The following PDE9A variants were observed in gnomAD, a reference collection of about 807,000 sequenced individuals.
PDE9A encodes phosphodiesterase 9A, also known as high affinity cGMP-specific 3',5'-cyclic phosphodiesterase 9A.
A neutral mutation model predicts 87.4 loss-of-function variants in PDE9A; 60 were observed. The observed-to-expected ratio is 0.69, with a 90% CI of 0.56 to 0.85. The LOEUF is 0.85. Ranked by LOEUF, PDE9A falls within the 40% of genes least tolerant of loss-of-function variation. The probability of loss-of-function intolerance (pLI) is 0.00; values close to 1 mark genes in which losing one functional copy is unlikely to be tolerated. For synonymous variants in PDE9A, 272 were observed against 279.4 expected, an observed-to-expected ratio of 0.97 and a Z score of 0.27; for missense variants, 665 against 779.0, an observed-to-expected ratio of 0.85 and a Z score of 1.74.
At chr21:42,688,074 A>T in intron 3 of PDE9A, 80 bp downstream of exon 3, 1 of 1,137,666 alleles carries the variant, frequency 8.8e-7, no homozygotes, top group Non-Finnish European at 1.3e-6. Flanking sequence ...TGATTTTGTA[A>T]ATGTGCTACT....
intron 1 of PDE9A, among the ~76,000 whole-genome samples, chr21:42,685,068 GAAAGA>G (rs2059375235): frequency 6.6e-6 from 1 of 152,206 alleles, no homozygotes; most frequent in Non-Finnish European, 1.5e-5. Flanking sequence ...ACTTGTGCTG[GAAAGA>G]AAAGCTGCGT....
chr21:42,762,265 C>T (rs1000338925), intron 14 of PDE9A, 26 bp downstream of exon 14: 48 of 1,607,976 alleles, frequency 3.0e-5, no homozygotes, highest in Admixed American at 1.7e-4. Flanking sequence ...GCCCTCCCAC[C>T]GGAGTGGGGG....
chr21:42,661,424 A>G (rs2057479381), intron 1 of PDE9A, among the ~76,000 whole-genome samples: 1 of 129,888 alleles, frequency 7.7e-6, no homozygotes, highest in South Asian at 2.4e-4. Flanking sequence ...CCCACTGTAC[A>G]TTCCGCTTTC....
In PDE9A at chr21:42,704,056, C is replaced by G. The variant is rs147991626; in HGVS notation, c.262+5045C>G. ...GGGCCCAGGCTCCCGCCAGCCCTCACGGCAGCACGAGGCTGGTACGAGACA... is the reference window on the plus strand; with the variant it reads ...GGGCCCAGGCTCCCGCCAGCCCTCAGGGCAGCACGAGGCTGGTACGAGACA... On this transcript the variant is annotated intron_variant, in intron 4 of 19. Transcript: ENST00000291539. This position sits in a 1 kb window ranked among gnomAD's most constrained non-coding sequence, Gnocchi z 5.3. Among the ~76,000 whole-genome samples the G allele has an allele frequency of 8.7e-3, 1,329 of 152,292 alleles. 11 individuals are homozygous for G. The highest frequency in any genetic ancestry group is 0.031 in the African/African-American group (1,271 of 41,550).
chr21:42,654,734 C>T (rs2056921376), intron 1 of PDE9A, among the ~76,000 whole-genome samples: 1 of 152,200 alleles, frequency 6.6e-6, no homozygotes, highest in Non-Finnish European at 1.5e-5. Context: ...GCCGGCCAGG[C>T]TTGAGTCTTT....
chr21:42,703,449 G>A (rs935246338), intron 4 of PDE9A, among the ~76,000 whole-genome samples: 8 of 152,252 alleles, frequency 5.3e-5, no homozygotes, highest in African/African-American at 1.9e-4. Flanking sequence ...AAGCCCTGGA[G>A]GCAGGAAGAG....
intron 19 of PDE9A, among the ~76,000 whole-genome samples, chr21:42,774,385 A>T (rs2057331592): frequency 6.6e-6 from 1 of 152,194 alleles, no homozygotes; most frequent in African/African-American, 2.4e-5. Flanking sequence ...TCTAAGCCAG[A>T]GGCAATAATA....
chr21:42,731,495 A>G (rs943239400), intron 4 of PDE9A, among the ~76,000 whole-genome samples: 1 of 152,182 alleles, frequency 6.6e-6, no homozygotes, highest in Non-Finnish European at 1.5e-5. Flanking sequence ...GAGCCTGGTC[A>G]GGAAACAGGA....
chr21:42,658,766 C>G (rs2057279674), intron 1 of PDE9A, among the ~76,000 whole-genome samples: 1 of 152,226 alleles, frequency 6.6e-6, no homozygotes, highest in Non-Finnish European at 1.5e-5. Flanking sequence ...CTGCCTGTTA[C>G]ATGTTTGTAA....
At chr21:42,712,179 C>T (rs2049408822) in intron 4 of PDE9A, among the ~76,000 whole-genome samples, 1 of 152,116 alleles carries the variant, frequency 6.6e-6, no homozygotes, top group Non-Finnish European at 1.5e-5. Flanking sequence ...TGATACATCC[C>T]TCCACTTATT....
intron 2 of PDE9A, 56 bp from the exon 3 acceptor site, chr21:42,687,861 G>C: frequency 7.0e-7 from 1 of 1,432,392 alleles, no homozygotes; most frequent in Admixed American, 1.7e-5. Flanking sequence ...GTACATTCAA[G>C]TGTACATCCC....
chr21:42,740,733 T>C (rs1358376000), intron 7 of PDE9A, among the ~76,000 whole-genome samples: 2 of 141,080 alleles, frequency 1.4e-5, no homozygotes, highest in African/African-American at 2.7e-5. Flanking sequence ...GATAGATAGA[T>C]AGATAGATAG....
intron 15 of PDE9A, among the ~76,000 whole-genome samples, chr21:42,767,719 C>T (rs940373356): frequency 1.3e-5 from 2 of 152,198 alleles, no homozygotes; most frequent in Non-Finnish European, 2.9e-5. Flanking sequence ...GCAGGCAGGG[C>T]CACGGGACGC....
intron 4 of PDE9A, among the ~76,000 whole-genome samples, chr21:42,701,500 G>A (rs879941560): frequency 3.3e-5 from 5 of 151,280 alleles, no homozygotes; most frequent in Non-Finnish European, 5.9e-5. Context: ...GCAGTGATGC[G>A]GTCATAGCTC....
chr21:42,689,019 G>A (rs931302998), intron 3 of PDE9A, among the ~76,000 whole-genome samples: 2 of 151,964 alleles, frequency 1.3e-5, no homozygotes, highest in Non-Finnish European at 2.9e-5. Context: ...CAGTAGACAT[G>A]GCCAGTGCCG....
At chr21:42,751,651 A>G (rs2054436904) in intron 9 of PDE9A, among the ~76,000 whole-genome samples, 1 of 151,616 alleles carries the variant, frequency 6.6e-6, no homozygotes, top group Non-Finnish European at 1.5e-5. Context: ...TAGCAATGGC[A>G]TTTTTGAAAT....
intron 16 of PDE9A, 172 bp downstream of exon 16, chr21:42,768,464 T>A: frequency 8.8e-7 from 1 of 1,140,052 alleles, no homozygotes; most frequent in South Asian, 1.9e-5. Flanking sequence ...AAATAGGTTA[T>A]AATTTGAGAC....
chr21:42,711,218 G>A (rs767306898), intron 4 of PDE9A, among the ~76,000 whole-genome samples: 69 of 149,148 alleles, frequency 4.6e-4, no homozygotes, highest in Admixed American at 1.1e-3. Flanking sequence ...AAGTTTTTCT[G>A]TTGTGGTCAG....
rs113090704 is a variant in PDE9A at position 42,764,319 on chromosome 21, T to A, written c.1243-1062T>A. ...CTTTATCTATAGGCTCTCTGGCCTCTCCTCCATGTTTGTGCCCCTCCCCAC... is the reference window on the plus strand; with the variant it reads ...CTTTATCTATAGGCTCTCTGGCCTCACCTCCATGTTTGTGCCCCTCCCCAC... On this transcript the variant is annotated intron_variant, in intron 14 of 19. Transcript: ENST00000291539. Among the ~76,000 whole-genome samples the A allele has an allele frequency of 6.2e-3, 945 of 152,326 alleles. 6 individuals are homozygous for A. The highest frequency in any genetic ancestry group is 9.2e-3 in the Non-Finnish European group (625 of 68,018).
Sources: gnomAD v4.1 joint callset for allele counts (sites outside exome capture counted in the v4.1 genomes callset) on GRCh38, gnomAD v4.1.1 for gene constraint, Gnocchi (gnomAD v3.1) non-coding constraint, MANE v1.5 for transcripts, NCBI Gene and HGNC (gene_info 2026-07-23, HGNC 2026-07-21) for gene names.